Variants in ZC4H2 observed in about 807,000 individuals in gnomAD.
ZC4H2 encodes zinc finger C4H2 domain-containing protein.
For synonymous variants in ZC4H2, 84 were observed against 66.3 expected (o/e 1.27, Z -1.30); for missense variants, 137 against 173.9 (o/e 0.79, Z 1.19).
chrX:64,923,098 T>C (rs766090068), intron 1 of ZC4H2, among the ~76,000 whole-genome samples: 1 of 112,123 alleles, frequency 8.9e-6, no homozygotes, highest in African/African-American at 3.2e-5. Context: ...AGGTGTACTT[T>C]CTGGGCTTTC....
intron 1 of ZC4H2, among the ~76,000 whole-genome samples, chrX:64,962,098 A>G (rs901910992): frequency 3.6e-5 from 4 of 111,603 alleles, no homozygotes; most frequent in African/African-American, 1.3e-4. Context: ...AGCTAGATGA[A>G]GATTCCACAA....
At chrX:65,030,667 G>T (rs1296377669) in intron 1 of ZC4H2, among the ~76,000 whole-genome samples, 2 of 111,363 alleles carry the variant, frequency 1.8e-5, no homozygotes, top group Non-Finnish European at 3.8e-5. Context: ...AAGACTCTCT[G>T]CTTGACCAAA....
rs369326579 is a variant in ZC4H2, at chrX:64,929,605, C to T, written c.54-7617G>A. On this transcript the variant is annotated intron_variant, in intron 1 of 4. Coordinates refer to ENST00000374839, the MANE Select transcript of ZC4H2 (RefSeq NM_018684.4). ...ATGTGGCTTGCCAGTTTTCCCAGCA[C>T]CATTTATTGAATAGGGTGTCCTTTC... 1.2e-4 allele frequency among the ~76,000 whole-genome samples: 13 copies of T among 111,334 alleles called. No homozygotes were observed. The East Asian group carries it at 3.7e-3, about 31-fold the overall frequency.
chrX:64,976,141 G>A (rs752173452), intron 1 of ZC4H2, among the ~76,000 whole-genome samples, 184 bp downstream of exon 1: 3 of 110,730 alleles, frequency 2.7e-5, no homozygotes, highest in East Asian at 2.8e-4. Flanking sequence ...GCCACATCTG[G>A]CAAGAGGTCT....
intron 1 of ZC4H2, among the ~76,000 whole-genome samples, chrX:64,950,370 G>C (rs1398260328): frequency 9.0e-6 from 1 of 111,460 alleles, no homozygotes; most frequent in Admixed American, 9.6e-5. Context: ...AGGTCTGCTC[G>C]GTGCAGAGAT....
intron 1 of ZC4H2, among the ~76,000 whole-genome samples, chrX:64,966,796 TAAGAACA>T (rs1931607541): frequency 8.9e-6 from 1 of 111,972 alleles, no homozygotes; most frequent in Non-Finnish European, 1.9e-5. Context: ...GGGCTGTGGA[TAAGAACA>T]AAGATCAACT....
chrX:64,988,435 A>T (rs1450377398), intron 1 of ZC4H2, among the ~76,000 whole-genome samples: 1 of 111,299 alleles, frequency 9.0e-6, no homozygotes, highest in Admixed American at 9.5e-5. Context: ...TTCTAACTGG[A>T]GTGAGATGGT....
Position 64,935,786 on chromosome X carries a change from G to T in ZC4H2, c.54-13798C>A, listed in dbSNP as rs951810203. Among the ~76,000 whole-genome samples the T allele has an allele frequency of 4.5e-5, 5 of 110,807 alleles. No individual in the cohort carries two copies. In the Admixed American group the frequency reaches 4.8e-4, roughly 11 times the overall value. On this transcript the variant is annotated intron_variant, in intron 1 of 4. Transcript: ENST00000374839. ...CATAAAGGAATAACACATCCACTCAGAGACCCCATTCTAAGGTCACTAACA... is the reference window on the plus strand; with the variant it reads ...CATAAAGGAATAACACATCCACTCATAGACCCCATTCTAAGGTCACTAACA...
intron 1 of ZC4H2, among the ~76,000 whole-genome samples, chrX:64,966,369 A>T (rs1197325643): frequency 2.7e-5 from 3 of 112,756 alleles, no homozygotes; most frequent in African/African-American, 9.7e-5. Context: ...GGAAACTAGG[A>T]CATCCACTTT....
In ZC4H2 at chrX:64,920,191, C is replaced by T. The variant is rs993099141; in HGVS notation, c.288G>A (p.Arg96=). Residue 96 remains arginine (R), a synonymous_variant, in exon 3 of 5, where the codon AGG becomes AGA. Coordinates refer to ENST00000374839, the MANE Select transcript of ZC4H2 (RefSeq NM_018684.4). ...TCAGTGGCTTATACTCATCATGCAG[C>T]CTCCTTGTAGACTCTAGCAGCTTGT... is the stretch of plus-strand genomic sequence containing the variant. ...DLNKLLESTR[R]LHDEYKPLKE... is the part of the protein sequence containing the mutation. 4.1e-6 allele frequency: 5 copies of T among 1,209,614 alleles called. No individual in the cohort carries two copies. Among genetic ancestry groups the T allele is most frequent in the Non-Finnish European group, 4.5e-6 (4 of 895,136 alleles).
chrX:64,917,907 A>G lies in ZC4H2; in HGVS notation c.562-11T>C. ...ACATGACAAGCAGGCCTGGTGAGGG[A>G]CACAGGAAAAAGAAAGTTAGTAGTC... On this transcript the variant is annotated splice_polypyrimidine_tract_variant and intron_variant, in intron 4 of 4. Transcript: ENST00000374839. 3 of 1,200,151 alleles carry G rather than the reference A, an allele frequency of 2.5e-6. No individual in the cohort carries two copies. The highest frequency in any genetic ancestry group is 3.4e-6 in the Non-Finnish European group (3 of 889,576).
intron 1 of ZC4H2, among the ~76,000 whole-genome samples, chrX:64,954,170 G>T (rs1370499494): frequency 4.8e-5 from 5 of 103,497 alleles, no homozygotes; most frequent in African/African-American, 1.1e-4. Flanking sequence ...GCCTGTTGTG[G>T]GGTTGGGGGA....
intron 1 of ZC4H2, among the ~76,000 whole-genome samples, chrX:65,027,429 G>GA (rs1422278215): frequency 9.0e-6 from 1 of 111,351 alleles, no homozygotes. Flanking sequence ...AAATACTCCT[G>GA]AAAAAAATTA....
intron 1 of ZC4H2, among the ~76,000 whole-genome samples, chrX:64,968,009 A>G: frequency 8.9e-6 from 1 of 111,847 alleles, no homozygotes; most frequent in Non-Finnish European, 1.9e-5. Context: ...AGAGAAGAAA[A>G]GACATTACCA....
intron 2 of ZC4H2, 122 bp from the exon 3 acceptor site, chrX:64,920,375 C>T: frequency 1.5e-6 from 1 of 672,340 alleles, no homozygotes; most frequent in Non-Finnish European, 2.1e-6. Context: ...AGTCCTTGAT[C>T]TCCCATGCCC....
chrX:64,921,473 A>G (rs1929192104), intron 2 of ZC4H2, among the ~76,000 whole-genome samples: 1 of 112,055 alleles, frequency 8.9e-6, no homozygotes, highest in African/African-American at 3.3e-5. Flanking sequence ...TACATTCCAG[A>G]GGCAGCTGCC....
intron 1 of ZC4H2, among the ~76,000 whole-genome samples, chrX:64,985,021 A>T (rs1932153887): frequency 8.9e-6 from 1 of 112,321 alleles, no homozygotes; most frequent in African/African-American, 3.2e-5. Flanking sequence ...GCTGCAAAGA[A>T]CATGATTTTG....
chrX:65,032,141 G>C (rs965764790), intron 1 of ZC4H2, among the ~76,000 whole-genome samples: 2 of 111,440 alleles, frequency 1.8e-5, no homozygotes, highest in Non-Finnish European at 3.8e-5. Context: ...TGAAACCCCA[G>C]GAAAGATATT....
intron 1 of ZC4H2, among the ~76,000 whole-genome samples, chrX:64,953,434 C>A (rs972948717): frequency 8.9e-6 from 1 of 111,927 alleles, no homozygotes; most frequent in African/African-American, 3.2e-5. Context: ...TGACAAAGGG[C>A]TAATATCCAG....
Sources: allele counts gnomAD v4.1 joint callset (sites outside exome capture counted in the v4.1 genomes callset), GRCh38; gene constraint gnomAD v4.1.1; transcripts MANE v1.5; gene names NCBI Gene and HGNC (gene_info 2026-07-23, HGNC 2026-07-21).